Variants in DLG2 observed in about 807,000 individuals in gnomAD.
DLG2 encodes disks large homolog 2.
Under a neutral mutation model 132.5 loss-of-function variants are expected in DLG2, and 45 were observed. The observed-to-expected ratio is 0.34, with a 90% confidence interval of 0.27 to 0.44. The LOEUF (loss-of-function observed/expected upper bound fraction) is 0.44, where lower values mean the gene tolerates loss of function less well. DLG2 is among the 20% of genes least tolerant of loss of function. The pLI is 1.00. For synonymous variants in DLG2, 424 were observed against 419.6 expected (o/e 1.01, Z -0.13); for missense variants, 1,045 against 1,196.9 (o/e 0.87, Z 1.87).
intron 21 of DLG2, 67 bp from the exon 22 acceptor site, chr11:83,484,295 A>G (rs766213703): frequency 2.8e-4 from 318 of 1,148,742 alleles, no homozygotes; most frequent in Non-Finnish European, 3.8e-4. Flanking sequence ...TCATGCTGAC[A>G]AAACAACTAG....
intron 6 of DLG2, among the ~76,000 whole-genome samples, chr11:85,062,541 GA>G (rs777444086): frequency 0.038 from 5,290 of 141,004 alleles, 129 homozygotes; most frequent in African/African-American, 0.061. Flanking sequence ...ACAGACAAAT[GA>G]AAAAAAAAAA....
At chr11:83,634,069 T>C (rs2064167003) in intron 18 of DLG2, among the ~76,000 whole-genome samples, 1 of 152,068 alleles carries the variant, frequency 6.6e-6, no homozygotes, top group Non-Finnish European at 1.5e-5. Flanking sequence ...AAGAGTTTGG[T>C]GATGAATTGT....
At chr11:83,995,668 C>G (rs2093984403) in intron 11 of DLG2, among the ~76,000 whole-genome samples, 1 of 152,108 alleles carries the variant, frequency 6.6e-6, no homozygotes, top group Non-Finnish European at 1.5e-5. Context: ...AGAAACAAAT[C>G]TATACATCTA....
intron 17 of DLG2, among the ~76,000 whole-genome samples, chr11:83,825,166 T>TAC (rs2052259585): frequency 1.1e-5 from 1 of 93,044 alleles, no homozygotes; most frequent in Non-Finnish European, 2.0e-5. Context: ...TATATATATA[T>TAC]ATATATTTTT....
At chr11:84,604,142 G>A (rs1341699313) in intron 6 of DLG2, among the ~76,000 whole-genome samples, 1 of 151,998 alleles carries the variant, frequency 6.6e-6, no homozygotes, top group African/African-American at 2.4e-5. Flanking sequence ...ACTTGACTAA[G>A]ATTGCATAAC....
chr11:84,330,843 T>C (rs1379961011), intron 7 of DLG2, among the ~76,000 whole-genome samples: 1 of 152,198 alleles, frequency 6.6e-6, no homozygotes, highest in Non-Finnish European at 1.5e-5. Flanking sequence ...GGTATGAATA[T>C]ATGACATCTT....
chr11:85,029,951 C>G (rs1393484660), intron 6 of DLG2, among the ~76,000 whole-genome samples: 2 of 152,080 alleles, frequency 1.3e-5, no homozygotes. Context: ...AATTCCTGAC[C>G]TCAAATAAGG....
At chr11:83,934,312 T>C (rs189526465) in intron 14 of DLG2, among the ~76,000 whole-genome samples, 6 of 152,332 alleles carry the variant, frequency 3.9e-5, no homozygotes, top group South Asian at 2.1e-4. Flanking sequence ...TGTAATTACA[T>C]AGTACCTGAG....
intron 6 of DLG2, among the ~76,000 whole-genome samples, chr11:84,789,108 C>A (rs1277635533): frequency 6.6e-6 from 1 of 152,148 alleles, no homozygotes; most frequent in Non-Finnish European, 1.5e-5. Flanking sequence ...ATTTTCTATG[C>A]CCTTGTTTCT....
At chr11:84,048,423 G>A (rs1023454372) in intron 11 of DLG2, among the ~76,000 whole-genome samples, 1 of 151,590 alleles carries the variant, frequency 6.6e-6, no homozygotes, top group African/African-American at 2.4e-5. Context: ...GAGAACTCAT[G>A]CCAAATAGTT....
chr11:84,141,208 T>A (rs1252230617), intron 9 of DLG2, among the ~76,000 whole-genome samples: 1 of 151,996 alleles, frequency 6.6e-6, no homozygotes, highest in East Asian at 1.9e-4. Flanking sequence ...TATTTTCCTA[T>A]CTATCTATCT....
At chr11:84,395,710 G>C (rs1329963312) in intron 7 of DLG2, among the ~76,000 whole-genome samples, 1 of 152,202 alleles carries the variant, frequency 6.6e-6, no homozygotes, top group African/African-American at 2.4e-5. Flanking sequence ...TAGTTAACTA[G>C]ATTTAATCAT....
chr11:84,590,516 G>C (rs765360654), intron 6 of DLG2, among the ~76,000 whole-genome samples: 18 of 152,130 alleles, frequency 1.2e-4, no homozygotes, highest in Non-Finnish European at 2.5e-4. Flanking sequence ...ACAGTATCTA[G>C]AGTAACAAAA....
At chr11:85,367,378 G>A (rs144369851) in intron 3 of DLG2, among the ~76,000 whole-genome samples, 23 of 152,158 alleles carry the variant, frequency 1.5e-4, no homozygotes, top group African/African-American at 4.8e-4. Context: ...CAGTAAAATG[G>A]GAATAATGAT....
chr11:85,528,267 T>C (rs1050483599), intron 3 of DLG2, among the ~76,000 whole-genome samples: 17 of 152,194 alleles, frequency 1.1e-4, no homozygotes, highest in African/African-American at 4.1e-4. Flanking sequence ...CCCATGCCTA[T>C]GTCCTGAATG....
chr11:85,602,326 C>T (rs1313504096), intron 2 of DLG2, among the ~76,000 whole-genome samples: 2 of 152,234 alleles, frequency 1.3e-5, no homozygotes, highest in East Asian at 3.8e-4. Flanking sequence ...CTATCCCCTA[C>T]ATTACTGCAA....
chr11:84,472,422 C>T (rs1032427062), intron 7 of DLG2, among the ~76,000 whole-genome samples: 8 of 151,762 alleles, frequency 5.3e-5, no homozygotes, highest in African/African-American at 1.7e-4. Flanking sequence ...AGTTGTGTCT[C>T]GATAAGTTTA....
chr11:84,700,135 C>G (rs2059063830), intron 6 of DLG2, among the ~76,000 whole-genome samples: 1 of 151,550 alleles, frequency 6.6e-6, no homozygotes, highest in Non-Finnish European at 1.5e-5. Context: ...ATTCCTAACC[C>G]AGCAAGAAGA....
At chr11:83,843,005 T>A (rs1483928250) in intron 16 of DLG2, among the ~76,000 whole-genome samples, 1 of 152,126 alleles carries the variant, frequency 6.6e-6, no homozygotes, top group Non-Finnish European at 1.5e-5. Flanking sequence ...TTTTCATTGA[T>A]CTTTCTAAAG....
Sources: gnomAD v4.1 joint callset for allele counts (sites outside exome capture counted in the v4.1 genomes callset) on GRCh38, gnomAD v4.1.1 for gene constraint, MANE v1.5 for transcripts, NCBI Gene and HGNC (gene_info 2026-07-23, HGNC 2026-07-21) for gene names.